RAB33A: variants seen among roughly 807,000 people sequenced by gnomAD.
RAB33A encodes the protein RAB33A, member RAS oncogene family, also known as ras-related protein Rab-33A.
Under a neutral mutation model 12.0 loss-of-function variants are expected in RAB33A, and 6 were observed. The ratio of observed to expected loss-of-function variants is 0.50; its 90% CI spans 0.27 to 0.99. RAB33A has a LOEUF of 0.99. Ranked by LOEUF, RAB33A falls within the 50% of genes least tolerant of loss-of-function variation. RAB33A has a pLI of 0.11. For synonymous variants in RAB33A, 70 were observed against 82.4 expected (o/e 0.85, Z 0.81); for missense variants, 109 against 192.0 (o/e 0.57, Z 2.55).
At chrX:130,184,169 G>A (rs1255261539) in intron 1 of RAB33A, 116 bp from the exon 2 acceptor site, 6 of 691,001 alleles carry the variant, frequency 8.7e-6, no homozygotes, top group Middle Eastern at 4.9e-4. Flanking sequence ...GATTATAGGC[G>A]TGAGCCACCG....
At chrX:130,165,767 A>G in the RAB33A span, 1 of 634,331 alleles carries the variant, frequency 1.6e-6, no homozygotes, top group Non-Finnish European at 2.6e-6. Flanking sequence ...CACGCACATT[A>G]CGCAGACTCC....
chrX:130,169,858 G>A (rs2031586959), upstream of RAB33A, among the ~76,000 whole-genome samples: 4 of 112,125 alleles, frequency 3.6e-5, no homozygotes, highest in South Asian at 1.5e-3. Context: ...TTGTGTACAG[G>A]ATGTACCTAA....
chrX:130,163,930 C>T, the RAB33A span, among the ~76,000 whole-genome samples: 2 of 103,756 alleles, frequency 1.9e-5, no homozygotes, highest in Non-Finnish European at 3.9e-5. Context: ...CCGAGGTGGG[C>T]GGATCACGAG....
At chrX:130,165,949 A>G in the RAB33A span, 1 of 372,309 alleles carries the variant, frequency 2.7e-6, no homozygotes, top group Non-Finnish European at 4.8e-6. Flanking sequence ...GCTCGCAAAG[A>G]CGCTGGCTCT....
At chrX:130,151,071 T>C in the RAB33A span, among the ~76,000 whole-genome samples, 4 of 108,934 alleles carry the variant, frequency 3.7e-5, no homozygotes, top group South Asian at 8.0e-4. Flanking sequence ...GGTGAACATA[T>C]GTCAAATGAA....
intron 1 of RAB33A, among the ~76,000 whole-genome samples, chrX:130,182,347 A>G (rs777091919): frequency 1.3e-3 from 138 of 108,680 alleles, no homozygotes; most frequent in African/African-American, 4.4e-3. Context: ...AAATATCACT[A>G]TAGTCTCATT....
chrX:130,161,608 C>T, the RAB33A span, among the ~76,000 whole-genome samples: 2 of 106,957 alleles, frequency 1.9e-5, no homozygotes, highest in African/African-American at 6.8e-5. Context: ...TATTTATCAG[C>T]CTTTTTTTTT....
chrX:130,134,128 T>G, the RAB33A span, among the ~76,000 whole-genome samples: 1 of 109,730 alleles, frequency 9.1e-6, no homozygotes, highest in Non-Finnish European at 1.9e-5. Flanking sequence ...TCCCAGCTAC[T>G]TGGGAGGCTG....
chrX:130,169,852 G>T (rs986174499), upstream of RAB33A, among the ~76,000 whole-genome samples: 9 of 112,156 alleles, frequency 8.0e-5, no homozygotes, highest in Non-Finnish European at 1.5e-4. Context: ...TCTACTTTGT[G>T]TACAGGATGT....
the RAB33A span, chrX:130,129,944 C>T: frequency 8.3e-7 from 1 of 1,208,144 alleles, no homozygotes; most frequent in African/African-American, 1.7e-5. Context: ...TCCCATCTTC[C>T]TCTAAGAGTT....
the RAB33A span, chrX:130,148,066 T>C: frequency 1.9e-6 from 1 of 518,842 alleles, no homozygotes; most frequent in East Asian, 3.7e-5. Flanking sequence ...TCCCTTTCAT[T>C]TCATAAGTGA....
the RAB33A span, among the ~76,000 whole-genome samples, chrX:130,120,682 C>T: frequency 6.2e-5 from 7 of 112,412 alleles, no homozygotes; most frequent in Non-Finnish European, 1.1e-4. Flanking sequence ...GGGCTGATCT[C>T]CGTACTCTCC....
the RAB33A span, chrX:130,156,586 A>G: frequency 8.3e-7 from 1 of 1,211,903 alleles, no homozygotes; most frequent in South Asian, 1.8e-5. Flanking sequence ...GGAACATGCC[A>G]TCGCTGGAAC....
At chrX:130,165,960 A>G in the RAB33A span, 1 of 354,577 alleles carries the variant, frequency 2.8e-6, no homozygotes, top group Non-Finnish European at 5.1e-6. Flanking sequence ...CGCTGGCTCT[A>G]GGTAGCCGGT....
the RAB33A span, among the ~76,000 whole-genome samples, chrX:130,141,446 GTCTCCTACA>G: frequency 1.8e-5 from 2 of 111,950 alleles, no homozygotes; most frequent in Non-Finnish European, 3.8e-5. Context: ...TTATTAATAA[GTCTCCTACA>G]TCTACAACAT....
the RAB33A span, among the ~76,000 whole-genome samples, chrX:130,145,939 T>C: frequency 8.9e-6 from 1 of 111,766 alleles, no homozygotes; most frequent in South Asian, 3.8e-4. Context: ...CAAATGTCAA[T>C]AGTGCTGAGG....
At chrX:130,170,863 G>A (rs2031596526), upstream of RAB33A, among the ~76,000 whole-genome samples, 1 of 112,761 alleles carries the variant, frequency 8.9e-6, no homozygotes, top group African/African-American at 3.2e-5. Context: ...ATTGTCCCAA[G>A]ATCCTCCACC....
the RAB33A span, chrX:130,147,938 G>A: frequency 1.4e-5 from 17 of 1,189,855 alleles, no homozygotes; most frequent in Non-Finnish European, 1.8e-5. Flanking sequence ...CTTTGCCACT[G>A]TTAAAAAAAA....
the RAB33A span, among the ~76,000 whole-genome samples, chrX:130,147,191 C>T: frequency 6.3e-5 from 7 of 111,722 alleles, no homozygotes; most frequent in African/African-American, 2.0e-4. Flanking sequence ...AAAGAAGTGA[C>T]AATACAGGCC....
Sources: gnomAD v4.1 joint callset for allele counts (sites outside exome capture counted in the v4.1 genomes callset) on GRCh38, gnomAD v4.1.1 for gene constraint, MANE v1.5 for transcripts, NCBI Gene and HGNC (gene_info 2026-07-23, HGNC 2026-07-21) for gene names.